The following TTN variants were observed in gnomAD, a reference collection of about 807,000 sequenced individuals.
TTN encodes connectin.
A neutral mutation model predicts 3,223.0 loss-of-function variants in TTN; 1,525 were observed. The observed-to-expected ratio is 0.47, with a 90% CI of 0.45 to 0.49. The LOEUF is 0.49. Among genes scored for constraint, TTN ranks in the 20% least tolerant of loss-of-function variants. TTN has a pLI of 0.00. For missense variants in TTN, 40,786 were observed against 43,424.0 expected (o/e 0.94, Z 5.40); for synonymous variants, 14,094 against 15,161.0 (o/e 0.93, Z 5.17).
chr2:178,668,877 C>A (rs1182490110), intron 159 of TTN, among the ~76,000 whole-genome samples: 4 of 151,222 alleles, frequency 2.6e-5, no homozygotes, highest in African/African-American at 7.3e-5. Flanking sequence ...ATGAAACCCC[C>A]CCCCAAAAAA....
In TTN at chr2:178,613,144, A is replaced by G; in HGVS notation, c.49648+17T>C. The G allele has an allele frequency of 1.2e-6, 2 of 1,607,318 alleles. No homozygotes were observed. Among genetic ancestry groups the G allele is most frequent in the Non-Finnish European group, 1.7e-6 (2 of 1,177,762 alleles). On this transcript the variant is annotated intron_variant, in intron 264 of 362. Coordinates refer to ENST00000589042, the MANE Select transcript of TTN (RefSeq NM_001267550.2). ...ATATGAACTTCGAAATAACCACAAA[A>G]ATTATATAAATAATACCTATGGGAT... is the stretch of plus-strand genomic sequence containing the variant.
chr2:178,666,988 C>T, intron 162 of TTN, 87 bp from the exon 163 acceptor site: 1 of 987,022 alleles, frequency 1.0e-6, no homozygotes, highest in Non-Finnish European at 1.5e-6. Flanking sequence ...ATGTTAATAT[C>T]ATTTCAGATA....
chr2:178,754,786 C>T (rs1386367549), intron 46 of TTN, among the ~76,000 whole-genome samples: 1 of 152,108 alleles, frequency 6.6e-6, no homozygotes, highest in East Asian at 1.9e-4. Context: ...TGAGATATTG[C>T]CTTTGTAGGC....
rs72647870 is a variant in TTN, at chr2:178,781,235, C to T, written c.3409G>A (p.Gly1137Ser). The T allele has an allele frequency of 2.4e-5, 39 of 1,613,850 alleles. No homozygotes were observed. The highest frequency in any genetic ancestry group is 4.5e-5 in the East Asian group (2 of 44,852). Residue 1137 changes from glycine to serine, a missense_variant, in exon 21 of 363, where the codon GGT becomes AGT. By Grantham distance (56) the Gly-to-Ser change is moderately conservative. Transcript: ENST00000589042. Reference sequence around the variant, plus strand: ...ATAGAAATCACCAGCTTGCATTCACCGGTTTGTTTGTTGTAACTCACTTTG... The same window carrying T: ...ATAGAAATCACCAGCTTGCATTCACTGGTTTGTTTGTTGTAACTCACTTTG... ...RYKVSYNKQT[G>S]ECKLVISMTF...
In TTN at chr2:178,607,908, G is replaced by A. The variant is rs767433978; in HGVS notation, c.52879C>T (p.Arg17627Cys). ...CGGATTTCTTTGACGGTGTACTGAC[G>A]GACCTTGATCATCTTCTCTGTGCAG... ...SRCTEKMIKV[R>C]QYTVKEIREG... Residue 17627 changes from arginine to cysteine, a missense_variant, in exon 276 of 363, where the codon CGT (arginine) becomes TGT (cysteine). Transcript: ENST00000589042. The A allele has an allele frequency of 4.3e-6, 7 of 1,612,852 alleles. No individual in the cohort carries two copies. The highest frequency in any genetic ancestry group is 4.0e-5 in the African/African-American group (3 of 74,832).
chr2:178,675,110 G>A lies in TTN; in HGVS notation c.34541C>T (p.Pro11514Leu). The change falls in exon 150 of 363, where the codon CCT becomes CTT. Residue 11514 changes from proline to leucine, a missense_variant. Coordinates refer to ENST00000589042, the MANE Select transcript of TTN (RefSeq NM_001267550.2). The stretch of plus-strand genomic sequence containing the variant: ...TTCTTCCACCTTCTTAGGCACCTCA[G>A]GAACTTGAGAGACATTGATTATTTT... ...KKAVAPPAKVPEVPKKVEEKR... is the reference protein window; with the variant it reads ...KKAVAPPAKVLEVPKKVEEKR... The A allele has an allele frequency of 1.3e-6, 2 of 1,555,918 alleles. No homozygotes were observed. The highest frequency in any genetic ancestry group is 1.7e-6 in the Non-Finnish European group (2 of 1,156,854).
In TTN at chr2:178,589,485, T is replaced by G. The variant is rs1211138085; in HGVS notation, c.62240A>C (p.Asn20747Thr). 6.2e-7 allele frequency: 1 copy of G among 1,613,308 alleles called. No individual in the cohort carries two copies. ...CACCCAGTCACTTTCCCCACCTTCA[T>G]TCTTTGTTTGCACTCTGAACTCATA... ...QIYEFRVQTK[N>T]EGGESDWVKT... The change falls in exon 304 of 363, where the codon AAT becomes ACT. Residue 20747 changes from asparagine to threonine, a missense_variant. By Grantham distance (65) the Asn-to-Thr change is moderately conservative. Coordinates refer to ENST00000589042, the MANE Select transcript of TTN (RefSeq NM_001267550.2).
intron 127 of TTN, among the ~76,000 whole-genome samples, chr2:178,686,113 ATTTTTTTTTT>A (rs765570520): frequency 1.3e-5 from 1 of 77,812 alleles, no homozygotes; most frequent in African/African-American, 6.6e-5. Flanking sequence ...TACAGTTTTA[ATTTTTTTTTT>A]TTTTTTTTTT....
chr2:178,616,778 T>C lies in TTN; in HGVS notation c.48111A>G (p.Leu16037=), dbSNP rs377491064. The change falls in exon 256 of 363, where the codon TTA becomes TTG. Residue 16037 remains leucine (L), a synonymous_variant. Coordinates refer to ENST00000589042, the MANE Select transcript of TTN (RefSeq NM_001267550.2). ...CAGAAATTGTTTTCACACGGTTTTC[T>C]AATTTCAGTGTATAAATGCCCTTGT... The part of the protein sequence containing the change: ...RSDKGIYTLK[L]ENRVKTISGE... 1.2e-6 allele frequency: 2 copies of C among 1,612,652 alleles called. No homozygotes were observed. The highest frequency in any genetic ancestry group is 2.7e-5 in the African/African-American group (2 of 74,844).
Position 178,574,182 on chromosome 2 carries a change from A to AT in TTN, c.71949dup (p.Phe23984IlefsTer13). Reference sequence around the variant, plus strand: ...TCTTCTGTTAGGCCACTGACTGTAAATTCATTCTCCAAAATGTTGCTGAAG... The same window carrying AT: ...TCTTCTGTTAGGCCACTGACTGTAAATTTCATTCTCCAAAATGTTGCTGAAG... On this transcript the variant is annotated frameshift_variant, in exon 326 of 363. Transcript: ENST00000589042. LOFTEE classifies it high-confidence loss of function. 1 of 1,613,528 alleles carries AT rather than the reference A, an allele frequency of 6.2e-7. No individual in the cohort carries two copies. The highest frequency in any genetic ancestry group is 8.5e-7 in the Non-Finnish European group (1 of 1,179,642).
At position 178,692,573 on chromosome 2, in the gene TTN, C is replaced by T; in HGVS notation, c.31602G>A (p.Glu10534=). The T allele has an allele frequency of 6.5e-7, 1 of 1,537,220 alleles. No homozygotes were observed. Among genetic ancestry groups the T allele is most frequent in the Non-Finnish European group, 8.7e-7 (1 of 1,146,810 alleles). Residue 10534 remains glutamate (E), a synonymous_variant, in exon 120 of 363, where the codon GAG becomes GAA. Transcript: ENST00000589042. ...KRVEPPPKVP[E]LPEKPAPEEV... is the part of the protein sequence containing the mutation. ...CTTCTGGAGCTGGTTTCTCAGGTAG[C>T]TCAGGGACTTTAAAAGAAAAGTGCC... is the stretch of plus-strand genomic sequence containing the variant.
At chr2:178,618,512 A>G (rs763818839) in intron 251 of TTN, 21 bp from the exon 252 acceptor site, 5 of 1,609,512 alleles carry the variant, frequency 3.1e-6, no homozygotes, top group Non-Finnish European at 4.2e-6. Context: ...CATATAGAGG[A>G]ATTTTTTTAG....
At position 178,576,526 on chromosome 2, in the gene TTN, A is replaced by T. The variant is rs1305667879; in HGVS notation, c.69715+3T>A. 1 of 1,611,900 alleles carries T rather than the reference A, an allele frequency of 6.2e-7. No individual in the cohort carries two copies. Among genetic ancestry groups the T allele is most frequent in the Non-Finnish European group, 8.5e-7 (1 of 1,179,278 alleles). ...AACGGTGTTGAAAAAGACAAATACT[A>T]ACATGCTGCATCTTTCATCAGAACA... On this transcript the variant is annotated splice_donor_region_variant and intron_variant, in intron 325 of 362. Coordinates refer to ENST00000589042, the MANE Select transcript of TTN (RefSeq NM_001267550.2). The surrounding 1 kb of genome is among the most constrained non-coding windows in gnomAD (Gnocchi z 4.3).
intron 47 of TTN, chr2:178,747,329 G>A: frequency 1.2e-6 from 2 of 1,613,292 alleles, no homozygotes; most frequent in Non-Finnish European, 8.5e-7. Context: ...TCTTTCAACT[G>A]TCTCACCTCC....
At chr2:178,665,885 C>CT in intron 163 of TTN, 94 bp from the exon 164 acceptor site, 1 of 519,236 alleles carries the variant, frequency 1.9e-6, no homozygotes, top group Non-Finnish European at 3.0e-6. Context: ...CAGATGGGAA[C>CT]CTTCTCCCAC....
rs2154185605 is a variant in TTN at position 178,592,378 on chromosome 2, C to T, written c.59626+1G>A. ...AATGGCCTAAGTAGTAAAATTCTTA[C>T]CTAATACAAGTACTTTTACTGAGAC... On this transcript the variant is annotated splice_donor_variant, in intron 301 of 362. Transcript: ENST00000589042. LOFTEE classifies it high-confidence loss of function. 1 of 1,610,848 alleles carries T rather than the reference C, an allele frequency of 6.2e-7. No homozygotes were observed. The highest frequency in any genetic ancestry group is 8.5e-7 in the Non-Finnish European group (1 of 1,179,044).
chr2:178,785,175 C>A (rs935217379), intron 15 of TTN, among the ~76,000 whole-genome samples: 1 of 151,470 alleles, frequency 6.6e-6, no homozygotes, highest in Non-Finnish European at 1.5e-5. Context: ...CTCCATCTTG[C>A]TATATTGAGT....
chr2:178,701,931 T>A, intron 109 of TTN, 109 bp downstream of exon 109: 1 of 1,139,916 alleles, frequency 8.8e-7, no homozygotes, highest in South Asian at 1.5e-5. Context: ...TGAAAAATAT[T>A]TTACCCAAAA....
Position 178,759,124 on chromosome 2 carries a change from C to A in TTN, c.10163G>T (p.Arg3388Leu). 6.2e-7 allele frequency: 1 copy of A among 1,613,916 alleles called. No homozygotes were observed. The highest frequency in any genetic ancestry group is 1.3e-5 in the African/African-American group (1 of 75,004). Residue 3388 changes from arginine to leucine, a missense_variant, in exon 44 of 363, where the codon CGG becomes CTG. Physicochemically the swap from Arg to Leu is moderately radical, Grantham distance 102. Transcript: ENST00000589042. ...YSKDKKIKPS[R>L]FFRMTQFEDT... ...TTCAAATTGAGTCATTCTAAAGAAC[C>A]GAGATGGCTTGATTTTCTTGTCTTT...
Sources: gnomAD v4.1 joint callset for allele counts (sites outside exome capture counted in the v4.1 genomes callset) on GRCh38, gnomAD v4.1.1 for gene constraint, Gnocchi (gnomAD v3.1) non-coding constraint, MANE v1.5 for transcripts, NCBI Gene and HGNC (gene_info 2026-07-23, HGNC 2026-07-21) for gene names.